ADH4: variants seen among roughly 807,000 people sequenced by gnomAD.
The protein encoded by ADH4 is all-trans-retinol dehydrogenase [NAD(+)] ADH4.
Under a neutral mutation model 35.2 loss-of-function variants are expected in ADH4, and 31 were observed. That is an observed-to-expected ratio of 0.88 (90% CI 0.66 to 1.19). ADH4 has a LOEUF of 1.19. Ranked by LOEUF, ADH4 falls within the 50% of genes most tolerant of loss-of-function variation. The probability of loss-of-function intolerance (pLI) is 0.00; values close to 1 mark genes in which losing one functional copy is unlikely to be tolerated. For missense variants in ADH4, 476 were observed against 458.3 expected, an observed-to-expected ratio of 1.04 and a Z score of -0.35; for synonymous variants, 171 against 160.2, an observed-to-expected ratio of 1.07 and a Z score of -0.51.
At chr4:99,137,289 G>A (rs543670029) in intron 4 of ADH4, among the ~76,000 whole-genome samples, 5 of 152,122 alleles carry the variant, frequency 3.3e-5, no homozygotes, top group Admixed American at 6.5e-5. Context: ...CACCAGGCCC[G>A]GCTAATTTTT....
At chr4:99,131,911 T>G in intron 5 of ADH4, 147 bp from the exon 6 acceptor site, 1 of 800,166 alleles carries the variant, frequency 1.2e-6, no homozygotes, top group Non-Finnish European at 1.9e-6. Flanking sequence ...GGAGGAAATC[T>G]GCCAATGCGA....
rs1385696704 is a variant in ADH4, at chr4:99,126,880, A to G, written c.980-148T>C. 18 of 679,328 alleles carry G rather than the reference A, an allele frequency of 2.6e-5. No individual in the cohort carries two copies. The Middle Eastern group carries it at 2.8e-3, about 107-fold the overall frequency. 42.1% of individuals were successfully genotyped at this position (679,328 alleles called of 1,614,324 possible). A position where few individuals can be genotyped will look rare whatever the true frequency, so the allele number is the denominator to read the frequency against. ...CTTCCATCTTTAATTTTCTGTACTT[A>G]TATCTATTTTAAAATTTTTCTTTAT... On this transcript the variant is annotated intron_variant, in intron 7 of 8. Coordinates refer to ENST00000265512, the MANE Select transcript of ADH4 (RefSeq NM_000670.5).
intron 5 of ADH4, among the ~76,000 whole-genome samples, chr4:99,134,804 C>A (rs1432783347): frequency 6.6e-6 from 1 of 151,006 alleles, no homozygotes; most frequent in Non-Finnish European, 1.5e-5. Flanking sequence ...ATAAAATTCT[C>A]AATGAAGAGT....
intron 5 of ADH4, among the ~76,000 whole-genome samples, chr4:99,133,190 T>C (rs1256971319): frequency 6.6e-6 from 1 of 152,198 alleles, no homozygotes; most frequent in African/African-American, 2.4e-5. Flanking sequence ...TTACTTGTAT[T>C]ATACAACTGG....
intron 6 of ADH4, among the ~76,000 whole-genome samples, chr4:99,128,700 A>C (rs1729173988): frequency 6.6e-6 from 1 of 152,068 alleles, no homozygotes; most frequent in Admixed American, 6.6e-5. Context: ...TTCATCTATA[A>C]AATGCTTACA....
At chr4:99,124,660 A>G (rs1314055200) in intron 8 of ADH4, among the ~76,000 whole-genome samples, 194 bp from the exon 9 acceptor site, 16 of 152,148 alleles carry the variant, frequency 1.1e-4, no homozygotes, top group Admixed American at 1.0e-3. Context: ...ATGTGCTAGT[A>G]AACTTGGGGG....
chr4:99,142,561 C>G, intron 2 of ADH4, 118 bp downstream of exon 2: 1 of 466,298 alleles, frequency 2.1e-6, no homozygotes, highest in South Asian at 9.6e-5. Flanking sequence ...AAAAATACAG[C>G]TTCCCTGTAC....
chr4:99,130,707 T>C (rs1475198986), intron 6 of ADH4, among the ~76,000 whole-genome samples: 2 of 152,206 alleles, frequency 1.3e-5, no homozygotes, highest in Non-Finnish European at 2.9e-5. Context: ...AATTAATTTT[T>C]AAAATGTTGT....
At position 99,141,683 on chromosome 4, in the gene ADH4, C is replaced by G; in HGVS notation, c.121-1G>C. 6.2e-7 allele frequency: 1 copy of G among 1,612,834 alleles called. No individual in the cohort carries two copies. The highest frequency in any genetic ancestry group is 8.5e-7 in the Non-Finnish European group (1 of 1,179,362). On this transcript the variant is annotated splice_acceptor_variant, in intron 2 of 8. Coordinates refer to ENST00000265512, the MANE Select transcript of ADH4 (RefSeq NM_000670.5). LOFTEE classifies it high-confidence loss of function. ...TATGGCACAGAGAGGTAGCAATGATCTACAAGGCAATCACAGACTTTAATT... is the reference window on the plus strand; with the variant it reads ...TATGGCACAGAGAGGTAGCAATGATGTACAAGGCAATCACAGACTTTAATT...
intron 6 of ADH4, 142 bp from the exon 7 acceptor site, chr4:99,127,486 A>G: frequency 3.4e-6 from 2 of 588,856 alleles, no homozygotes; most frequent in African/African-American, 1.9e-5. Context: ...ACATCATAGT[A>G]TCATTGTAGA....
Position 99,142,773 on chromosome 4 carries a change from T to C in ADH4, c.26A>G (p.Lys9Arg). Residue 9 changes from lysine to arginine, a missense_variant, in exon 2 of 9, where the codon AAA becomes AGA. Transcript: ENST00000265512. ...TTCCCAGGCGATGGCTGCTTTGCAT[T>C]TAATAACCTGAAAGAGAGAAAGAAA... MGTKGKVI[K>R]CKAAIAWEAG... 1 of 1,600,374 alleles carries C rather than the reference T, an allele frequency of 6.2e-7. No homozygotes were observed. The highest frequency in any genetic ancestry group is 8.5e-7 in the Non-Finnish European group (1 of 1,174,480).
chr4:99,140,064 A>T (rs1217353387), intron 3 of ADH4, among the ~76,000 whole-genome samples: 1 of 152,180 alleles, frequency 6.6e-6, no homozygotes, highest in Non-Finnish European at 1.5e-5. Flanking sequence ...ATCTGTTGTA[A>T]AATGTGGAGT....
intron 1 of ADH4, 46 bp from the exon 2 acceptor site, chr4:99,142,826 T>G: frequency 2.8e-6 from 4 of 1,445,268 alleles, no homozygotes; most frequent in Non-Finnish European, 3.8e-6. Context: ...GATAGAGATT[T>G]TGACAGGGTT....
chr4:99,124,944 A>C (rs1391026859), intron 8 of ADH4, among the ~76,000 whole-genome samples: 3 of 152,158 alleles, frequency 2.0e-5, no homozygotes, highest in Non-Finnish European at 1.5e-5. Flanking sequence ...CCTCAAGGAC[A>C]GAGCAGTCTT....
intron 7 of ADH4, among the ~76,000 whole-genome samples, chr4:99,126,962 A>G (rs1406746462): frequency 6.6e-6 from 1 of 152,044 alleles, no homozygotes; most frequent in African/African-American, 2.4e-5. Context: ...AATAAGGTCA[A>G]TGTTTATTTT....
chr4:99,131,631 T>C lies in ADH4; in HGVS notation c.716A>G (p.Lys239Arg). Residue 239 changes from lysine (K) to arginine (R), a missense_variant, in exon 6 of 9, where the codon AAA (lysine) becomes AGA (arginine). Lys to Arg is a conservative substitution (Grantham distance 26). Transcript: ENST00000265512. ...DINSEKFVKA[K>R]ALGATDCLNP... ...GAGGCAGTCAGTGGCTCCCAGGGCTTTAGCCTTCACAAACTTCTCACTGTT... is the reference window on the plus strand; with the variant it reads ...GAGGCAGTCAGTGGCTCCCAGGGCTCTAGCCTTCACAAACTTCTCACTGTT... 2 of 1,614,174 alleles carry C rather than the reference T, an allele frequency of 1.2e-6. No homozygotes were observed. The highest frequency in any genetic ancestry group is 1.7e-6 in the Non-Finnish European group (2 of 1,180,010).
At chr4:99,131,969 TAAG>T (rs1193978791) in intron 5 of ADH4, among the ~76,000 whole-genome samples, 1 of 152,198 alleles carries the variant, frequency 6.6e-6, no homozygotes, top group Non-Finnish European at 1.5e-5. Flanking sequence ...TAGTGTTCAT[TAAG>T]ATTATAAGAA....
chr4:99,142,028 C>G (rs1729640880), intron 2 of ADH4, among the ~76,000 whole-genome samples: 1 of 152,142 alleles, frequency 6.6e-6, no homozygotes, highest in Non-Finnish European at 1.5e-5. Flanking sequence ...AATATCAAAT[C>G]AAGGATTGTC....
chr4:99,131,155 A>C (rs761067685), intron 6 of ADH4, among the ~76,000 whole-genome samples: 2 of 152,216 alleles, frequency 1.3e-5, no homozygotes, highest in Non-Finnish European at 2.9e-5. Context: ...TGGAATTATC[A>C]TAGAAAACAA....
Sources: allele counts gnomAD v4.1 joint callset (sites outside exome capture counted in the v4.1 genomes callset), GRCh38; gene constraint gnomAD v4.1.1; transcripts MANE v1.5; gene names NCBI Gene and HGNC (gene_info 2026-07-23, HGNC 2026-07-21).